G3BP2: variants seen among roughly 807,000 people sequenced by gnomAD.
G3BP2 encodes ras GTPase-activating protein-binding protein 2.
In G3BP2, 11 loss-of-function variants were observed where a neutral mutation model predicts 56.7. The observed-to-expected ratio is 0.19, with a 90% CI of 0.12 to 0.32. The LOEUF is 0.32. Ranked by LOEUF, G3BP2 falls within the 10% of genes least tolerant of loss-of-function variation. The probability of loss-of-function intolerance (pLI) is 1.00; values close to 1 mark genes in which losing one functional copy is unlikely to be tolerated. For synonymous variants in G3BP2, 165 were observed against 191.6 expected, an observed-to-expected ratio of 0.86 and a Z score of 1.15; for missense variants, 340 against 610.9, an observed-to-expected ratio of 0.56 and a Z score of 4.67.
chr4:75,710,579 G>C (rs1719716670), intron 3 of G3BP2, among the ~76,000 whole-genome samples: 1 of 152,198 alleles, frequency 6.6e-6, no homozygotes, highest in Non-Finnish European at 1.5e-5. Flanking sequence ...TAAATCCCCA[G>C]TGGCATAGTA....
intron 3 of G3BP2, among the ~76,000 whole-genome samples, chr4:75,720,242 C>T (rs1264585066): frequency 6.6e-6 from 1 of 151,816 alleles, no homozygotes; most frequent in Non-Finnish European, 1.5e-5. Context: ...GCGCCGGGCG[C>T]GGTGGCTCAT....
intron 3 of G3BP2, among the ~76,000 whole-genome samples, chr4:75,706,542 T>C (rs1330955792): frequency 2.6e-5 from 4 of 151,974 alleles, no homozygotes; most frequent in Admixed American, 6.6e-5. Context: ...CGGGGCGTGG[T>C]GGCGCATGCC....
intron 1 of G3BP2, among the ~76,000 whole-genome samples, chr4:75,665,576 T>C (rs1732948006): frequency 6.6e-6 from 1 of 151,482 alleles, no homozygotes; most frequent in Admixed American, 6.6e-5. Flanking sequence ...CAAAACCCCA[T>C]CTAAAATTAG....
chr4:75,667,289 A>T (rs201764309), intron 1 of G3BP2, among the ~76,000 whole-genome samples: 1 of 13,910 alleles, frequency 7.2e-5, no homozygotes, highest in Non-Finnish European at 2.0e-4. Flanking sequence ...GACACTGTTT[A>T]AAAAAAAAAA....
intron 3 of G3BP2, among the ~76,000 whole-genome samples, chr4:75,696,006 T>TAAC (rs1719106053): frequency 8.1e-6 from 1 of 124,204 alleles, no homozygotes; most frequent in Non-Finnish European, 1.7e-5. Flanking sequence ...AAAAAAGAGT[T>TAAC]AACAGAAAAG....
rs561893526 is a variant in G3BP2, at chr4:75,645,670, A to G, written c.1209T>C (p.Asn403=). ...PIMFRGEVRL[N]VEEKKTRAAR... ...CAGCTCTTGTTTTTTTCTCTTCCAC[A>G]TTTAAACGTACTTCCCCTCGAAACA... The change falls in exon 12 of 12, where the codon AAT becomes AAC. Residue 403 remains asparagine, a synonymous_variant. Coordinates refer to ENST00000359707, the MANE Select transcript of G3BP2 (RefSeq NM_203505.3). 1 of 1,613,966 alleles carries G rather than the reference A, an allele frequency of 6.2e-7. No homozygotes were observed. Among genetic ancestry groups the G allele is most frequent in the Non-Finnish European group, 8.5e-7 (1 of 1,180,004 alleles).
chr4:75,656,634 A>G lies in G3BP2; in HGVS notation c.442+290T>C, dbSNP rs150535364. Among the ~76,000 whole-genome samples the G allele has an allele frequency of 6.8e-3, 1,036 of 152,326 alleles. 9 individuals carry two copies. Among genetic ancestry groups the G allele is most frequent in the African/African-American group, 0.023 (967 of 41,568 alleles). ...TGTAATTCCACATTTATAAAAATAC[A>G]TGTTGCCAAGTATAGAATCCAAAAA... On this transcript the variant is annotated intron_variant, in intron 5 of 11. Coordinates refer to ENST00000359707, the MANE Select transcript of G3BP2 (RefSeq NM_203505.3).
At chr4:75,677,527 C>T (rs962385553), upstream of G3BP2, among the ~76,000 whole-genome samples, 9 of 151,724 alleles carry the variant, frequency 5.9e-5, no homozygotes, top group African/African-American at 1.5e-4. Flanking sequence ...CCCGAGATCG[C>T]ACCACTTCAC....
chr4:75,680,399 C>A (rs934715154), intron 3 of G3BP2, among the ~76,000 whole-genome samples: 3 of 152,204 alleles, frequency 2.0e-5, no homozygotes, highest in African/African-American at 7.2e-5. Context: ...TGACACTAGT[C>A]AGGTTAGTTC....
rs1731098493 is a variant in G3BP2, at chr4:75,644,907, T to C, written c.*523A>G. On this transcript the variant is annotated 3_prime_UTR_variant, in exon 12 of 12. Transcript: ENST00000359707. ...AAAGAAGATGAGATTTTTTCCCTGT[T>C]GCCTCCTGTTGCAGATGTCAATGTT... 6.5e-6 allele frequency: 1 copy of C among 153,094 alleles called. No individual in the cohort carries two copies. The highest frequency in any genetic ancestry group is 1.5e-5 in the Non-Finnish European group (1 of 68,412). The allele number at this position is 153,094 out of a possible 1,614,324, so 9.5% of individuals were successfully genotyped here.
chr4:75,648,133 A>T (rs1240168739), intron 9 of G3BP2, among the ~76,000 whole-genome samples: 1 of 152,074 alleles, frequency 6.6e-6, no homozygotes, highest in Non-Finnish European at 1.5e-5. Flanking sequence ...GCAGATCATG[A>T]GGTCAGCAGA....
chr4:75,675,019 G>A (rs1412815748), upstream of G3BP2, among the ~76,000 whole-genome samples: 1 of 151,934 alleles, frequency 6.6e-6, no homozygotes. Flanking sequence ...CACCGCACCC[G>A]GCCAGTAGTT....
In G3BP2 at chr4:75,644,828, T is replaced by C. The variant is rs1731093034; in HGVS notation, c.*602A>G. On this transcript the variant is annotated 3_prime_UTR_variant, in exon 12 of 12. Transcript: ENST00000359707. ...TAAGGTTTATGTGTACACACGCTGG[T>C]CACAGCAAGCAGATAAAATGCCCTC... 6.5e-6 allele frequency: 1 copy of C among 152,870 alleles called. No individual in the cohort carries two copies. The highest frequency in any genetic ancestry group is 1.5e-5 in the Non-Finnish European group (1 of 68,236). The allele number at this position is 152,870 out of a possible 1,614,324, so 9.5% of individuals were successfully genotyped here.
chr4:75,674,695 CAT>C (rs1316726374), upstream of G3BP2, among the ~76,000 whole-genome samples: 5,047 of 60,664 alleles, frequency 0.083, 431 homozygotes, highest in South Asian at 0.15. Context: ...TATGTATGTA[CAT>C]ATATATATAT....
At chr4:75,675,618 C>T (rs1190648759), upstream of G3BP2, among the ~76,000 whole-genome samples, 8 of 152,182 alleles carry the variant, frequency 5.3e-5, no homozygotes, top group Non-Finnish European at 2.9e-5. Context: ...CATGGAGAAA[C>T]CTCGTCTCTA....
intron 3 of G3BP2, among the ~76,000 whole-genome samples, chr4:75,716,752 T>G (rs990280620): frequency 5.9e-5 from 9 of 152,042 alleles, no homozygotes; most frequent in Admixed American, 5.9e-4. Flanking sequence ...CAATCTCAGG[T>G]GATCCACCCG....
chr4:75,720,170 A>G (rs1720101738), intron 3 of G3BP2, among the ~76,000 whole-genome samples: 1 of 151,682 alleles, frequency 6.6e-6, no homozygotes, highest in African/African-American at 2.4e-5. Flanking sequence ...AGCTACCAAA[A>G]CCTTCTTTCT....
chr4:75,697,457 A>G (rs902488269), intron 3 of G3BP2, among the ~76,000 whole-genome samples: 2 of 152,034 alleles, frequency 1.3e-5, no homozygotes, highest in African/African-American at 4.8e-5. Flanking sequence ...GGGTATGTGG[A>G]GATTTAATAC....
At position 75,655,762 on chromosome 4, in the gene G3BP2, G is replaced by T. The variant is rs750888337; in HGVS notation, c.545+6C>A. 1.2e-5 allele frequency: 18 copies of T among 1,453,234 alleles called. No homozygotes were observed. Among genetic ancestry groups the T allele is most frequent in the Non-Finnish European group, 1.6e-5 (17 of 1,033,712 alleles). The allele number at this position is 1,453,234 out of a possible 1,614,324, so 90.0% of individuals were successfully genotyped here. On this transcript the variant is annotated splice_donor_region_variant and intron_variant, in intron 6 of 11. Transcript: ENST00000359707. The stretch of plus-strand genomic sequence containing the variant: ...CCAAATTTAACCTTGCAAATAGTAT[G>T]CTTACGTCACAGGGTGAGCTTCATA...
Sources: allele counts gnomAD v4.1 joint callset (sites outside exome capture counted in the v4.1 genomes callset), GRCh38; gene constraint gnomAD v4.1.1; transcripts MANE v1.5; gene names NCBI Gene and HGNC (gene_info 2026-07-23, HGNC 2026-07-21).